RPAP2: variants seen among roughly 807,000 people sequenced by gnomAD.
RPAP2 encodes the protein putative RNA polymerase II subunit B1 CTD phosphatase RPAP2.
In RPAP2, 52 loss-of-function variants were observed where a neutral mutation model predicts 73.1. The observed-to-expected ratio is 0.71, with a 90% CI of 0.57 to 0.90. The LOEUF is 0.90. RPAP2 is among the 40% of genes least tolerant of loss of function. The pLI is 0.00. For missense variants in RPAP2, 598 were observed against 701.8 expected (o/e 0.85, Z 1.67); for synonymous variants, 225 against 242.1 (o/e 0.93, Z 0.65).
intron 11 of RPAP2, among the ~76,000 whole-genome samples, chr1:92,371,319 A>AAAAATATAT (rs1199565882): frequency 9.7e-5 from 6 of 61,728 alleles, no homozygotes; most frequent in African/African-American, 4.3e-4. Context: ...AAAAAAAAAA[A>AAAAATATAT]ATATATATAT....
At chr1:92,304,434 A>G in intron 5 of RPAP2, 85 bp downstream of exon 5, 1 of 665,986 alleles carries the variant, frequency 1.5e-6, no homozygotes, top group Non-Finnish European at 2.5e-6. Flanking sequence ...TTAATTTTTA[A>G]TGATATTAAA....
intron 11 of RPAP2, among the ~76,000 whole-genome samples, chr1:92,377,060 A>C (rs1409700155): frequency 5.3e-5 from 8 of 152,320 alleles, no homozygotes; most frequent in African/African-American, 1.9e-4. Context: ...AACCAATACT[A>C]TAATTGATAA....
At chr1:92,327,127 T>C (rs1652681039) in intron 8 of RPAP2, among the ~76,000 whole-genome samples, 1 of 152,236 alleles carries the variant, frequency 6.6e-6, no homozygotes, top group African/African-American at 2.4e-5. Flanking sequence ...TTCTAGGGTA[T>C]AATCAAAATT....
intron 5 of RPAP2, among the ~76,000 whole-genome samples, chr1:92,306,307 G>A (rs1399668463): frequency 1.3e-5 from 2 of 152,184 alleles, no homozygotes; most frequent in Non-Finnish European, 2.9e-5. Context: ...ACAACAGTGT[G>A]AAGGTACTTA....
At chr1:92,373,892 C>A (rs955128245) in intron 11 of RPAP2, among the ~76,000 whole-genome samples, 1 of 151,770 alleles carries the variant, frequency 6.6e-6, no homozygotes, top group Non-Finnish European at 1.5e-5. Flanking sequence ...GTACTCCAGT[C>A]TGGGCAACAA....
At chr1:92,325,073 C>T (rs1448769396) in intron 8 of RPAP2, among the ~76,000 whole-genome samples, 3 of 152,098 alleles carry the variant, frequency 2.0e-5, no homozygotes, top group Non-Finnish European at 4.4e-5. Flanking sequence ...AATTGGTACT[C>T]AGTAAATAGT....
intron 7 of RPAP2, among the ~76,000 whole-genome samples, chr1:92,322,408 G>T (rs970763959): frequency 1.3e-5 from 2 of 151,486 alleles, no homozygotes; most frequent in Non-Finnish European, 2.9e-5. Flanking sequence ...GCTGGGCATG[G>T]TGGTGTGCAC....
chr1:92,337,688 T>A (rs1188713200), intron 10 of RPAP2, among the ~76,000 whole-genome samples: 1 of 152,130 alleles, frequency 6.6e-6, no homozygotes, highest in Non-Finnish European at 1.5e-5. Context: ...AACACTTTTT[T>A]ATATCATGAT....
At chr1:92,313,623 T>C (rs920395958) in intron 6 of RPAP2, among the ~76,000 whole-genome samples, 2 of 152,132 alleles carry the variant, frequency 1.3e-5, no homozygotes, top group Non-Finnish European at 2.9e-5. Context: ...AAGCATTGGC[T>C]TCAACTTAAA....
intron 3 of RPAP2, among the ~76,000 whole-genome samples, chr1:92,302,068 G>T (rs1030456113): frequency 6.6e-6 from 1 of 152,236 alleles, no homozygotes; most frequent in East Asian, 1.9e-4. Context: ...ATCACTTGAG[G>T]TCAGGAGTTC....
At chr1:92,381,065 A>G (rs1395202133) in intron 12 of RPAP2, among the ~76,000 whole-genome samples, 192 bp downstream of exon 12, 2 of 152,018 alleles carry the variant, frequency 1.3e-5, no homozygotes, top group Non-Finnish European at 2.9e-5. Context: ...TTTGTGCCCC[A>G]TATTTGTTGC....
intron 7 of RPAP2, 40 bp from the exon 8 acceptor site, chr1:92,323,405 A>AT: frequency 1.4e-6 from 2 of 1,393,452 alleles, no homozygotes; most frequent in Admixed American, 2.3e-5. Flanking sequence ...TTTATTTGCT[A>AT]TTTTTTATTT....
rs755854374 is a variant in RPAP2 at position 92,324,303 on chromosome 1, G to C, written c.1383G>C (p.Leu461=). The C allele has an allele frequency of 6.2e-7, 1 of 1,613,952 alleles. No individual in the cohort carries two copies. Among genetic ancestry groups the C allele is most frequent in the African/African-American group, 1.3e-5 (1 of 74,912 alleles). ...AAAAAGAAACTGAAAAGTTAAATCT[G>C]AGGATCAGGGAGTTTTACAGAGGAC... The part of the protein sequence containing the change: ...NLKKETEKLN[L]RIREFYRGRY... The change falls in exon 8 of 13, where the codon CTG becomes CTC. Residue 461 remains leucine, a synonymous_variant. Transcript: ENST00000610020.
rs1386581955 is a variant in RPAP2 at position 92,400,847 on chromosome 1, T to C, written c.*13836T>C. 1.3e-5 allele frequency: 2 copies of C among 152,156 alleles called. No homozygotes were observed. The allele number at this position is 152,156 out of a possible 1,614,324, so 9.4% of individuals were successfully genotyped here. ...GAGAGTGTATTAGTCTATTCTTACA[T>C]TGCTATAAGGAAATACCCCAGACTG... On this transcript the variant is annotated 3_prime_UTR_variant, in exon 13 of 13. Transcript: ENST00000610020.
At chr1:92,337,575 C>T (rs938956336) in intron 10 of RPAP2, among the ~76,000 whole-genome samples, 6 of 152,038 alleles carry the variant, frequency 3.9e-5, no homozygotes, top group African/African-American at 1.4e-4. Context: ...TCATAGATTC[C>T]AAACTATAGA....
chr1:92,329,261 G>A (rs1025047059), intron 8 of RPAP2, among the ~76,000 whole-genome samples: 1 of 152,144 alleles, frequency 6.6e-6, no homozygotes, highest in African/African-American at 2.4e-5. Flanking sequence ...GGCCAGTAGA[G>A]AAAGACCATC....
intron 6 of RPAP2, among the ~76,000 whole-genome samples, chr1:92,320,034 T>G (rs1283092537): frequency 6.6e-6 from 1 of 151,866 alleles, no homozygotes; most frequent in Non-Finnish European, 1.5e-5. Flanking sequence ...AGTTAAACAT[T>G]TAGGTAATGG....
intron 6 of RPAP2, among the ~76,000 whole-genome samples, chr1:92,312,326 T>G (rs1372535959): frequency 6.6e-6 from 1 of 151,642 alleles, no homozygotes; most frequent in African/African-American, 2.4e-5. Flanking sequence ...ATGCTGAGAC[T>G]AGAAGATCAC....
chr1:92,384,378 C>A (rs1655777918), intron 12 of RPAP2, among the ~76,000 whole-genome samples: 2 of 151,558 alleles, frequency 1.3e-5, no homozygotes, highest in South Asian at 4.2e-4. Context: ...AATCCCAGCA[C>A]TTTGGGAGGC....
Sources: allele counts gnomAD v4.1 joint callset (sites outside exome capture counted in the v4.1 genomes callset), GRCh38; gene constraint gnomAD v4.1.1; transcripts MANE v1.5; gene names NCBI Gene and HGNC (gene_info 2026-07-23, HGNC 2026-07-21).